The following MED13L variants were observed in gnomAD, a reference collection of about 807,000 sequenced individuals.
MED13L encodes mediator of RNA polymerase II transcription subunit 13-like.
Under a neutral mutation model 220.9 loss-of-function variants are expected in MED13L, and 7 were observed. The observed-to-expected ratio is 0.03, with a 90% confidence interval of 0.02 to 0.06. The LOEUF (loss-of-function observed/expected upper bound fraction) is 0.06, where lower values mean the gene tolerates loss of function less well. Ranked by LOEUF, MED13L falls within the 10% of genes least tolerant of loss-of-function variation. The pLI is 1.00. For missense variants in MED13L, 1,965 were observed against 2,760.5 expected, an observed-to-expected ratio of 0.71 and a Z score of 6.46; for synonymous variants, 1,011 against 1,015.2, an observed-to-expected ratio of 1.00 and a Z score of 0.08.
At chr12:115,983,641 G>A (rs1341518978) in intron 20 of MED13L, 101 bp from the exon 21 acceptor site, 5 of 1,258,766 alleles carry the variant, frequency 4.0e-6, no homozygotes, top group Admixed American at 1.9e-5. Flanking sequence ...ATGCTTTCAG[G>A]CTGCAATACT....
intron 4 of MED13L, among the ~76,000 whole-genome samples, chr12:116,043,579 G>A (rs2137552485): frequency 6.6e-6 from 1 of 152,306 alleles, no homozygotes; most frequent in South Asian, 2.1e-4. Flanking sequence ...AGGATAATCA[G>A]TACATGTGTC....
chr12:116,071,614 T>G (rs1756659801), intron 4 of MED13L, among the ~76,000 whole-genome samples: 1 of 152,226 alleles, frequency 6.6e-6, no homozygotes, highest in South Asian at 2.1e-4. Flanking sequence ...AGACCCTTTA[T>G]GCACTATGTT....
chr12:116,038,919 C>T (rs1246670279), intron 4 of MED13L, among the ~76,000 whole-genome samples: 3 of 151,254 alleles, frequency 2.0e-5, no homozygotes, highest in African/African-American at 7.3e-5. Context: ...TTTCCCGCCT[C>T]GTTAAATTTA....
intron 4 of MED13L, among the ~76,000 whole-genome samples, chr12:116,045,871 T>C (rs1440672030): frequency 6.6e-6 from 1 of 151,846 alleles, no homozygotes; most frequent in Non-Finnish European, 1.5e-5. Flanking sequence ...AGACATATTT[T>C]AGGTAGATAA....
intron 2 of MED13L, among the ~76,000 whole-genome samples, chr12:116,155,305 C>G (rs1878347863): frequency 6.6e-6 from 1 of 152,040 alleles, no homozygotes; most frequent in Admixed American, 6.6e-5. Flanking sequence ...CACCCAAAGT[C>G]CCAGCTACTT....
chr12:116,216,526 G>C (rs570946274), intron 2 of MED13L, among the ~76,000 whole-genome samples: 11 of 152,294 alleles, frequency 7.2e-5, no homozygotes, highest in African/African-American at 2.6e-4. Context: ...GAAGGGGACA[G>C]AGATGCTTCT....
At position 116,017,236 on chromosome 12, in the gene MED13L, C is replaced by T. The variant is rs967710721; in HGVS notation, c.1010-1962G>A. On this transcript the variant is annotated intron_variant, in intron 7 of 30. Transcript: ENST00000281928. ...ATAGTTAATTAGTCCACACTGAAAT[C>T]CCCCATCAAAAAAAACCTCTTGTTT... 2.6e-5 allele frequency among the ~76,000 whole-genome samples: 4 copies of T among 152,164 alleles called. No individual in the cohort carries two copies. The East Asian group carries it at 7.7e-4, about 29-fold the overall frequency.
intron 2 of MED13L, among the ~76,000 whole-genome samples, chr12:116,130,141 G>C (rs1445087730): frequency 9.9e-5 from 15 of 151,978 alleles, no homozygotes; most frequent in Non-Finnish European, 1.6e-4. Flanking sequence ...AAACATTTTT[G>C]ATTAACTATG....
At chr12:116,233,834 C>T (rs1869812511) in intron 2 of MED13L, among the ~76,000 whole-genome samples, 1 of 152,164 alleles carries the variant, frequency 6.6e-6, no homozygotes, top group South Asian at 2.1e-4. Context: ...ATTAACAATT[C>T]CCCAGACAGG....
At chr12:115,996,392 C>T in intron 16 of MED13L, 84 bp downstream of exon 16, 1 of 1,508,790 alleles carries the variant, frequency 6.6e-7, no homozygotes, top group Non-Finnish European at 9.2e-7. Flanking sequence ...GCGCCCGGAC[C>T]TTGTCATCAT....
At chr12:116,230,471 A>C (rs1420098045) in intron 2 of MED13L, 1 of 984,372 alleles carries the variant, frequency 1.0e-6, no homozygotes, top group Non-Finnish European at 1.2e-6. Context: ...AAATACTACA[A>C]ATCTACAATG....
intron 16 of MED13L, 39 bp downstream of exon 16, chr12:115,996,437 T>C (rs777515375): frequency 1.9e-6 from 3 of 1,588,850 alleles, no homozygotes; most frequent in South Asian, 1.1e-5. Context: ...AAAAATTGCA[T>C]CAAATATGGC....
At chr12:116,079,710 T>C (rs1438856428) in intron 4 of MED13L, among the ~76,000 whole-genome samples, 1 of 152,058 alleles carries the variant, frequency 6.6e-6, no homozygotes, top group Non-Finnish European at 1.5e-5. Flanking sequence ...AATATTGGTA[T>C]TCTTTTTGTA....
At chr12:116,023,715 A>G (rs530045428) in intron 4 of MED13L, among the ~76,000 whole-genome samples, 29 of 152,318 alleles carry the variant, frequency 1.9e-4, no homozygotes, top group African/African-American at 6.5e-4. Context: ...TTTCACCAGT[A>G]GGAAACACCC....
chr12:116,028,763 G>A (rs11067884), intron 4 of MED13L, among the ~76,000 whole-genome samples: 8,398 of 152,238 alleles, frequency 0.055, 304 homozygotes, highest in Non-Finnish European at 0.08. Flanking sequence ...CACACCACTT[G>A]ACAAGTATTC....
chr12:116,258,777 GAAAAAAAAA>G (rs558738933), intron 1 of MED13L, among the ~76,000 whole-genome samples: 23 of 56,118 alleles, frequency 4.1e-4, no homozygotes, highest in African/African-American at 1.4e-3. Context: ...CTCCATCTCA[GAAAAAAAAA>G]AAAAAAAAAG....
chr12:115,960,148 A>G lies in MED13L; in HGVS notation c.*1118T>C, dbSNP rs1875669255. ...GTACTAATTTAATGGTTAAGTTGTA[A>G]TATTTCTTTGAAATAATATTCCTAT... On this transcript the variant is annotated 3_prime_UTR_variant, in exon 31 of 31. Transcript: ENST00000281928. 1 of 152,650 alleles carries G rather than the reference A, an allele frequency of 6.6e-6. No homozygotes were observed. The highest frequency in any genetic ancestry group is 1.5e-5 in the Non-Finnish European group (1 of 68,038). 9.5% of individuals were successfully genotyped at this position (152,650 alleles called of 1,614,324 possible). A position where few individuals can be genotyped will look rare whatever the true frequency, so the allele number is the denominator to read the frequency against.
rs1293979910 is a variant in MED13L at position 115,972,914 on chromosome 12, C to G, written c.5732-678G>C. Among the ~76,000 whole-genome samples, 3 of 152,168 alleles carry G rather than the reference C, an allele frequency of 2.0e-5. No homozygotes were observed. The East Asian group carries it at 5.8e-4, about 29-fold the overall frequency. ...TGAGAAGTGGAAAGCACTTGGTCCCCTCTTCTGACCTCCCTTACACACACG... is the reference window on the plus strand; with the variant it reads ...TGAGAAGTGGAAAGCACTTGGTCCCGTCTTCTGACCTCCCTTACACACACG... On this transcript the variant is annotated intron_variant, in intron 25 of 30. Transcript: ENST00000281928.
At chr12:116,088,885 A>C (rs1389126737) in intron 4 of MED13L, among the ~76,000 whole-genome samples, 1 of 152,142 alleles carries the variant, frequency 6.6e-6, no homozygotes. Context: ...CATTGTTCAG[A>C]ATATAATTCA....
Sources: allele counts gnomAD v4.1 joint callset (sites outside exome capture counted in the v4.1 genomes callset), GRCh38; gene constraint gnomAD v4.1.1; transcripts MANE v1.5; gene names NCBI Gene and HGNC (gene_info 2026-07-23, HGNC 2026-07-21).